NRG3: variants seen among roughly 807,000 people sequenced by gnomAD.
The protein encoded by NRG3 is neuregulin 3.
In NRG3, 31 loss-of-function variants were observed where a neutral mutation model predicts 66.9. That is an observed-to-expected ratio of 0.46 (90% CI 0.35 to 0.63). The LOEUF (loss-of-function observed/expected upper bound fraction) is 0.63, where lower values mean the gene tolerates loss of function less well. Ranked by LOEUF, NRG3 falls within the 20% of genes least tolerant of loss-of-function variation. The pLI is 0.00. For missense variants in NRG3, 910 were observed against 878.9 expected (o/e 1.04, Z -0.45); for synonymous variants, 393 against 359.4 (o/e 1.09, Z -1.06).
chr10:82,924,993 C>T (rs891344544), intron 4 of NRG3, among the ~76,000 whole-genome samples: 4 of 152,224 alleles, frequency 2.6e-5, no homozygotes, highest in African/African-American at 9.7e-5. Context: ...TTACTCATCA[C>T]ATGCCAGACA....
intron 1 of NRG3, among the ~76,000 whole-genome samples, chr10:81,937,746 T>A (rs1291344437): frequency 2.0e-5 from 3 of 152,162 alleles, no homozygotes; most frequent in Admixed American, 6.6e-5. Flanking sequence ...GTTTTCAAGT[T>A]TGATGTAATC....
chr10:82,184,344 TC>T (rs1382798491), intron 1 of NRG3, among the ~76,000 whole-genome samples: 3 of 152,052 alleles, frequency 2.0e-5, no homozygotes, highest in Non-Finnish European at 4.4e-5. Flanking sequence ...CTACTTACAT[TC>T]CATTGGTAAG....
At chr10:82,763,309 C>T (rs1234703626) in intron 3 of NRG3, among the ~76,000 whole-genome samples, 3 of 152,032 alleles carry the variant, frequency 2.0e-5, no homozygotes, top group African/African-American at 7.2e-5. Flanking sequence ...TGTAACCATC[C>T]TGAAATGCAG....
chr10:82,665,134 G>A (rs1369041356), intron 2 of NRG3, among the ~76,000 whole-genome samples: 3 of 151,936 alleles, frequency 2.0e-5, no homozygotes, highest in Admixed American at 6.6e-5. Context: ...GCTCCATCCC[G>A]TTCCTGAAAC....
intron 1 of NRG3, among the ~76,000 whole-genome samples, chr10:82,206,149 C>T (rs995502643): frequency 6.6e-6 from 1 of 152,176 alleles, no homozygotes; most frequent in Non-Finnish European, 1.5e-5. Context: ...CAAAATACCA[C>T]CTTAATCTCT....
intron 4 of NRG3, among the ~76,000 whole-genome samples, chr10:82,904,210 A>AT (rs372006840): frequency 2.4e-3 from 360 of 151,938 alleles, no homozygotes; most frequent in African/African-American, 7.6e-3. Flanking sequence ...TCTTTTTGTG[A>AT]TTTTTTTTAG....
chr10:82,037,485 G>C (rs1173061854), intron 1 of NRG3, among the ~76,000 whole-genome samples: 3 of 152,152 alleles, frequency 2.0e-5, no homozygotes, highest in Non-Finnish European at 4.4e-5. Flanking sequence ...TCCTGTCCCT[G>C]ATCCAAGGTA....
intron 3 of NRG3, among the ~76,000 whole-genome samples, chr10:82,841,590 G>A (rs185988511): frequency 2.3e-3 from 347 of 152,222 alleles, no homozygotes; most frequent in Non-Finnish European, 3.7e-3. Context: ...GTATCCTTGA[G>A]GCAGAATTTC....
At chr10:82,527,379 A>G (rs1193455476) in intron 2 of NRG3, among the ~76,000 whole-genome samples, 1 of 152,174 alleles carries the variant, frequency 6.6e-6, no homozygotes, top group East Asian at 1.9e-4. Flanking sequence ...CTACAATTTT[A>G]AAAAATGTGC....
At chr10:81,959,009 G>A (rs1420853240) in intron 1 of NRG3, among the ~76,000 whole-genome samples, 1 of 152,172 alleles carries the variant, frequency 6.6e-6, no homozygotes. Flanking sequence ...TTTCTTTAGG[G>A]GAGTGATGAT....
chr10:82,189,928 A>T (rs556379934), intron 1 of NRG3, among the ~76,000 whole-genome samples: 1 of 152,160 alleles, frequency 6.6e-6, no homozygotes, highest in Admixed American at 6.5e-5. Flanking sequence ...GCATCACTCA[A>T]CTCCAGCCTG....
intron 1 of NRG3, among the ~76,000 whole-genome samples, chr10:82,241,262 G>A (rs12265466): frequency 0.12 from 17,916 of 152,082 alleles, 1,144 homozygotes; most frequent in East Asian, 0.21. Context: ...GAGCAGTAGC[G>A]TATAGGAGAG....
intron 6 of NRG3, among the ~76,000 whole-genome samples, chr10:82,965,413 G>T (rs1432751530): frequency 6.6e-6 from 1 of 152,190 alleles, no homozygotes; most frequent in African/African-American, 2.4e-5. Flanking sequence ...CTCGGAGATA[G>T]AACTGCATGC....
intron 2 of NRG3, among the ~76,000 whole-genome samples, chr10:82,536,954 C>T (rs777980499): frequency 6.6e-6 from 1 of 151,380 alleles, no homozygotes; most frequent in Non-Finnish European, 1.5e-5. Flanking sequence ...GATATTCTGA[C>T]CAAAAAAGAT....
chr10:82,813,211 C>CTTTTTTTTTTTTT (rs58875697), intron 3 of NRG3, among the ~76,000 whole-genome samples: 1 of 112,156 alleles, frequency 8.9e-6, no homozygotes, highest in Non-Finnish European at 1.7e-5. Flanking sequence ...CTCTGTTTCT[C>CTTTTTTTTTTTTT]TTTTTTTTTT....
Position 82,885,863 on chromosome 10 carries a change from AT to A in NRG3, c.1054+20437del, listed in dbSNP as rs558501082. Among the ~76,000 whole-genome samples the A allele has an allele frequency of 4.8e-3, 678 of 142,628 alleles. 1 individual carries two copies. Among genetic ancestry groups the A allele is most frequent in the African/African-American group, 0.015 (577 of 38,982 alleles). 93.6% of individuals were successfully genotyped at this position (142,628 alleles called of 152,430 possible). ...AGGCGTGAGCCACCGCGCCTGGCCT[AT>A]TTTTTTTTTTGTATTATTATTTTTT... On this transcript the variant is annotated intron_variant, in intron 4 of 8. Transcript: ENST00000372141.
At chr10:82,067,079 T>C (rs1471793649) in intron 1 of NRG3, among the ~76,000 whole-genome samples, 1 of 152,176 alleles carries the variant, frequency 6.6e-6, no homozygotes, top group Non-Finnish European at 1.5e-5. Flanking sequence ...TTCTGTTGAA[T>C]TTTTCTCAGT....
intron 1 of NRG3, among the ~76,000 whole-genome samples, chr10:81,879,916 GC>G (rs1842028886): frequency 6.6e-6 from 1 of 152,122 alleles, no homozygotes; most frequent in African/African-American, 2.4e-5. Flanking sequence ...ATGAGTCGAG[GC>G]CTTTAAAGGC....
intron 3 of NRG3, among the ~76,000 whole-genome samples, chr10:82,751,811 G>C (rs2058875884): frequency 6.6e-6 from 1 of 152,122 alleles, no homozygotes; most frequent in African/African-American, 2.4e-5. Flanking sequence ...TTGTAGAATG[G>C]AATTGTTCCT....
Sources: allele counts gnomAD v4.1 joint callset (sites outside exome capture counted in the v4.1 genomes callset), GRCh38; gene constraint gnomAD v4.1.1; transcripts MANE v1.5; gene names NCBI Gene and HGNC (gene_info 2026-07-23, HGNC 2026-07-21).